Variants in HP1BP3 observed in about 807,000 individuals in gnomAD.
The protein encoded by HP1BP3 is heterochromatin protein 1 binding protein 3, also known as heterochromatin protein 1-binding protein 3.
HP1BP3 carries 12 observed loss-of-function variants against 62.5 expected under a neutral mutation model. That is an observed-to-expected ratio of 0.19 (90% CI 0.12 to 0.31). HP1BP3 has a LOEUF of 0.31. Among genes scored for constraint, HP1BP3 ranks in the 10% least tolerant of loss-of-function variants. The pLI is 1.00. For missense variants in HP1BP3, 502 were observed against 651.8 expected (o/e 0.77, Z 2.50); for synonymous variants, 260 against 237.8 (o/e 1.09, Z -0.86).
intron 8 of HP1BP3, among the ~76,000 whole-genome samples, chr1:20,761,935 T>C (rs1025163463): frequency 6.6e-6 from 1 of 152,186 alleles, no homozygotes; most frequent in Non-Finnish European, 1.5e-5. Context: ...GTAAGGACTA[T>C]GAATTGACCA....
intron 5 of HP1BP3, among the ~76,000 whole-genome samples, chr1:20,773,169 C>T (rs1163102725): frequency 2.6e-5 from 4 of 152,126 alleles, no homozygotes; most frequent in Non-Finnish European, 5.9e-5. Flanking sequence ...TTAACATTTT[C>T]AGCCTTCAAA....
At chr1:20,772,787 A>C (rs2057117360) in intron 5 of HP1BP3, among the ~76,000 whole-genome samples, 2 of 152,214 alleles carry the variant, frequency 1.3e-5, no homozygotes, top group Admixed American at 1.3e-4. Flanking sequence ...AAATGAAAAG[A>C]CTTATACAAT....
intron 4 of HP1BP3, chr1:20,775,911 T>C (rs1557669550): frequency 4.1e-6 from 6 of 1,452,946 alleles, no homozygotes; most frequent in Non-Finnish European, 3.6e-6. Context: ...TCAGAATGTA[T>C]ACCCATTGTT....
intron 8 of HP1BP3, among the ~76,000 whole-genome samples, chr1:20,764,549 T>C (rs1429466298): frequency 6.7e-6 from 1 of 150,224 alleles, no homozygotes; most frequent in Non-Finnish European, 1.5e-5. Flanking sequence ...CCTGGTAGAG[T>C]AACTCTTTTA....
At chr1:20,758,505 C>T (rs1002189310) in intron 8 of HP1BP3, among the ~76,000 whole-genome samples, 1 of 152,136 alleles carries the variant, frequency 6.6e-6, no homozygotes, top group Non-Finnish European at 1.5e-5. Flanking sequence ...TGCCACCACG[C>T]CCGGCTAATT....
intron 11 of HP1BP3, among the ~76,000 whole-genome samples, chr1:20,746,186 A>G (rs941370833): frequency 2.3e-4 from 33 of 143,146 alleles, no homozygotes; most frequent in African/African-American, 3.5e-4. Flanking sequence ...ACATACATAT[A>G]TGTGTGTGTG....
At chr1:20,775,974 T>C (rs1334131353) in intron 4 of HP1BP3, 1 of 1,474,336 alleles carries the variant, frequency 6.8e-7, no homozygotes. Context: ...TGACCAATTA[T>C]GAAAAGAGTG....
At chr1:20,746,433 T>C (rs1172492845) in intron 11 of HP1BP3, among the ~76,000 whole-genome samples, 1 of 152,170 alleles carries the variant, frequency 6.6e-6, no homozygotes, top group Non-Finnish European at 1.5e-5. Flanking sequence ...TTATATAATA[T>C]GTATTAAGCC....
Position 20,773,445 on chromosome 1 carries a change from A to G in HP1BP3, c.510+6T>C. On this transcript the variant is annotated splice_donor_region_variant and intron_variant, in intron 5 of 12. Transcript: ENST00000438032. ...CTAAGATGAATTGCTTGAAATAAAA[A>G]CTTGCCTTAATGGCCTCAGTTAAGA... 1.3e-6 allele frequency: 2 copies of G among 1,583,830 alleles called. No homozygotes were observed. Among genetic ancestry groups the G allele is most frequent in the Non-Finnish European group, 1.7e-6 (2 of 1,167,564 alleles).
chr1:20,757,290 A>C, intron 8 of HP1BP3, 34 bp from the exon 9 acceptor site: 1 of 1,341,574 alleles, frequency 7.5e-7, no homozygotes, highest in East Asian at 2.3e-5. Flanking sequence ...ATAGTGATAA[A>C]TACATTAATG....
intron 8 of HP1BP3, 116 bp from the exon 9 acceptor site, chr1:20,757,372 AT>A (rs760873385): frequency 0.029 from 9,698 of 331,390 alleles, 2 homozygotes; most frequent in East Asian, 0.065. Context: ...TATTATTATT[AT>A]TTTTTTTTTT....
chr1:20,775,626 C>A, intron 4 of HP1BP3: 1 of 182,308 alleles, frequency 5.5e-6, no homozygotes, highest in Non-Finnish European at 1.1e-5. Context: ...CCTTTAAGGT[C>A]CATTCATGGT....
chr1:20,775,709 T>C (rs1269933427), intron 4 of HP1BP3: 3 of 341,116 alleles, frequency 8.8e-6, no homozygotes, highest in Non-Finnish European at 1.0e-5. Context: ...TATGTTTAAA[T>C]ACACAAATAC....
chr1:20,745,683 C>T (rs1196803382), intron 11 of HP1BP3, 27 bp from the exon 12 acceptor site: 1 of 1,611,104 alleles, frequency 6.2e-7, no homozygotes. Flanking sequence ...TAGATTAAAA[C>T]ACAAGTCCCA....
chr1:20,761,713 T>A (rs1052065139), intron 8 of HP1BP3, among the ~76,000 whole-genome samples: 1 of 152,218 alleles, frequency 6.6e-6, no homozygotes, highest in South Asian at 2.1e-4. Context: ...ACCAAGTGAA[T>A]GTGGACATAA....
chr1:20,757,840 T>C (rs1173934862), intron 8 of HP1BP3, among the ~76,000 whole-genome samples: 1 of 152,110 alleles, frequency 6.6e-6, no homozygotes, highest in Non-Finnish European at 1.5e-5. Context: ...GTGACTTGCA[T>C]GTTATATTAA....
intron 9 of HP1BP3, among the ~76,000 whole-genome samples, chr1:20,753,300 G>C (rs1280335432): frequency 6.6e-6 from 1 of 152,068 alleles, no homozygotes; most frequent in African/African-American, 2.4e-5. Context: ...ATTCAGACTT[G>C]GTTATGAGGT....
intron 6 of HP1BP3, among the ~76,000 whole-genome samples, chr1:20,768,889 A>T (rs796904286): frequency 6.6e-6 from 1 of 152,308 alleles, no homozygotes; most frequent in Middle Eastern, 3.4e-3. Context: ...CTACACTGCT[A>T]TCAATGCAGC....
At position 20,740,339 on chromosome 1, in the gene HP1BP3, AG is replaced by A. The variant is rs985541216; in HGVS notation, c.*4457del. 2.1e-4 allele frequency among the ~76,000 whole-genome samples: 32 copies of A among 152,296 alleles called. No homozygotes were observed. The highest frequency in any genetic ancestry group is 7.5e-4 in the African/African-American group (31 of 41,572). On this transcript the variant is annotated 3_prime_UTR_variant, in exon 13 of 13. Transcript: ENST00000438032. ...ATTATATACAATATCAGGAAAAAAA[AG>A]AGTTGTAATTTTTGAGGAAAATCGC...
Sources: gnomAD v4.1 joint callset for allele counts (sites outside exome capture counted in the v4.1 genomes callset) on GRCh38, gnomAD v4.1.1 for gene constraint, MANE v1.5 for transcripts, NCBI Gene and HGNC (gene_info 2026-07-23, HGNC 2026-07-21) for gene names.